CSMD1: variants seen among roughly 807,000 people sequenced by gnomAD.
CSMD1 encodes the protein CUB and sushi domain-containing protein 1.
Under a neutral mutation model 417.5 loss-of-function variants are expected in CSMD1, and 213 were observed. That is an observed-to-expected ratio of 0.51 (90% CI 0.46 to 0.57). CSMD1 has a LOEUF of 0.57. CSMD1 is among the 20% of genes least tolerant of loss of function. The pLI is 0.00. For missense variants in CSMD1, 6,923 were observed against 4,529.7 expected, an observed-to-expected ratio of 1.53 and a Z score of -15.17; for synonymous variants, 2,862 against 1,736.8, an observed-to-expected ratio of 1.65 and a Z score of -16.11.
rs575345046 is a variant in CSMD1, at chr8:3,664,568, C to A, written c.1009+43846G>T. On this transcript the variant is annotated intron_variant, in intron 7 of 69. Transcript: ENST00000635120. The stretch of plus-strand genomic sequence containing the variant: ...TGAGTGTTTCCTCATGAGAGAAAAG[C>A]AAAGAGACTGAGGAGTTTTCCTCTG... Among the ~76,000 whole-genome samples the A allele has an allele frequency of 3.3e-5, 5 of 152,300 alleles. No homozygotes were observed. The East Asian group carries it at 9.6e-4, about 29-fold the overall frequency.
At chr8:4,642,215 T>C (rs1364951274) in intron 1 of CSMD1, among the ~76,000 whole-genome samples, 12 of 152,310 alleles carry the variant, frequency 7.9e-5, no homozygotes, top group Admixed American at 7.8e-4. Context: ...TGGTTGGTTA[T>C]ACAGCAGTGC....
At chr8:3,006,837 C>T (rs1339520386) in intron 52 of CSMD1, among the ~76,000 whole-genome samples, 4 of 146,620 alleles carry the variant, frequency 2.7e-5, no homozygotes, top group Admixed American at 6.6e-5. Flanking sequence ...AAAACCTAGG[C>T]ATTACCATTC....
chr8:3,066,385 C>A (rs1812938126), intron 49 of CSMD1, among the ~76,000 whole-genome samples: 1 of 152,220 alleles, frequency 6.6e-6, no homozygotes, highest in African/African-American at 2.4e-5. Flanking sequence ...TACAGAGAAT[C>A]AGTGACAGAA....
At chr8:3,622,468 T>G (rs974041032) in intron 7 of CSMD1, among the ~76,000 whole-genome samples, 2 of 152,194 alleles carry the variant, frequency 1.3e-5, no homozygotes, top group Admixed American at 6.5e-5. Flanking sequence ...TCACAAGGAA[T>G]AGCAGTTAAA....
chr8:4,406,449 C>T (rs554725123), intron 3 of CSMD1, among the ~76,000 whole-genome samples: 3 of 152,304 alleles, frequency 2.0e-5, no homozygotes, highest in South Asian at 2.1e-4. Flanking sequence ...TTTCAAATTT[C>T]TGATAAATCT....
intron 1 of CSMD1, among the ~76,000 whole-genome samples, chr8:4,812,256 T>G (rs187140559): frequency 1.5e-4 from 23 of 152,322 alleles, no homozygotes; most frequent in Non-Finnish European, 2.9e-4. Context: ...ATTTCACAGA[T>G]GAATAGTTCT....
At chr8:3,453,648 G>A (rs971628653) in intron 12 of CSMD1, among the ~76,000 whole-genome samples, 2 of 152,114 alleles carry the variant, frequency 1.3e-5, no homozygotes, top group African/African-American at 4.8e-5. Context: ...ATCCTGAATT[G>A]TAGTTTTATT....
intron 5 of CSMD1, among the ~76,000 whole-genome samples, chr8:3,962,918 A>C (rs532456063): frequency 1.3e-5 from 2 of 152,282 alleles, no homozygotes; most frequent in South Asian, 4.1e-4. Flanking sequence ...TTTTTTCCAC[A>C]AAACTTTTCA....
intron 1 of CSMD1, among the ~76,000 whole-genome samples, chr8:4,895,048 C>G (rs1351560760): frequency 6.6e-6 from 1 of 152,168 alleles, no homozygotes; most frequent in African/African-American, 2.4e-5. Context: ...ATAAGAATAT[C>G]TGTTTTGTTT....
chr8:4,733,159 A>G (rs1288716784), intron 1 of CSMD1, among the ~76,000 whole-genome samples: 1 of 152,216 alleles, frequency 6.6e-6, no homozygotes, highest in Non-Finnish European at 1.5e-5. Context: ...TATTCAGTCA[A>G]TGTCTACCAA....
At chr8:3,215,747 C>T (rs1797844963) in intron 29 of CSMD1, among the ~76,000 whole-genome samples, 1 of 151,984 alleles carries the variant, frequency 6.6e-6, no homozygotes, top group South Asian at 2.1e-4. Context: ...AGTGTATAAC[C>T]CTGCAGTCTA....
intron 10 of CSMD1, among the ~76,000 whole-genome samples, chr8:3,566,808 G>A (rs189820636): frequency 6.6e-6 from 1 of 152,176 alleles, no homozygotes; most frequent in African/African-American, 2.4e-5. Flanking sequence ...GGAGAAAAAG[G>A]AACACTTATA....
intron 3 of CSMD1, among the ~76,000 whole-genome samples, chr8:4,137,462 TAAAAGGTAATTTTCACTACAGAATATA>T (rs1374075757): frequency 9.3e-6 from 1 of 107,390 alleles, no homozygotes; most frequent in African/African-American, 2.7e-5. Flanking sequence ...GAGAGTATTT[TAAAAGGTAATTTTCACTACAGAATATA>T]ACATTGTTTT....
intron 3 of CSMD1, among the ~76,000 whole-genome samples, chr8:4,330,147 A>G (rs1416658816): frequency 6.6e-6 from 1 of 151,818 alleles, no homozygotes; most frequent in Non-Finnish European, 1.5e-5. Flanking sequence ...AATGAGTAGT[A>G]TCCCAACAAA....
chr8:4,215,866 T>C (rs1442201176), intron 3 of CSMD1, among the ~76,000 whole-genome samples: 1 of 152,188 alleles, frequency 6.6e-6, no homozygotes. Context: ...ATTAATTCTA[T>C]GATGTTAAGA....
intron 3 of CSMD1, among the ~76,000 whole-genome samples, chr8:4,064,916 T>A (rs543320949): frequency 1.4e-5 from 2 of 140,080 alleles, no homozygotes; most frequent in African/African-American, 5.2e-5. Context: ...CCATTGAGAA[T>A]AGGACCTAGG....
At position 3,927,905 on chromosome 8, in the gene CSMD1, A is replaced by C. The variant is rs1809859076; in HGVS notation, c.818+69998T>G. Among the ~76,000 whole-genome samples the C allele has an allele frequency of 2.0e-5, 3 of 152,190 alleles. No homozygotes were observed. In the South Asian group the frequency reaches 6.2e-4, roughly 31 times the overall value. On this transcript the variant is annotated intron_variant, in intron 5 of 69. Transcript: ENST00000635120. Reference sequence around the variant, plus strand: ...TATGAGAGTCGAAGGTTACCTAAAAAATCATTTTACATCAAATTCTTTGTT... The same window carrying C: ...TATGAGAGTCGAAGGTTACCTAAAACATCATTTTACATCAAATTCTTTGTT...
intron 7 of CSMD1, among the ~76,000 whole-genome samples, chr8:3,676,169 C>G (rs777436995): frequency 6.6e-6 from 1 of 152,142 alleles, no homozygotes; most frequent in Non-Finnish European, 1.5e-5. Flanking sequence ...TTCTTCTGCT[C>G]AATTTTATAG....
At chr8:4,315,997 T>C (rs1355711992) in intron 3 of CSMD1, among the ~76,000 whole-genome samples, 1 of 152,198 alleles carries the variant, frequency 6.6e-6, no homozygotes, top group African/African-American at 2.4e-5. Flanking sequence ...TATTCTTTTT[T>C]CTTTCCTTTA....
Sources: gnomAD v4.1 joint callset for allele counts (sites outside exome capture counted in the v4.1 genomes callset) on GRCh38, gnomAD v4.1.1 for gene constraint, MANE v1.5 for transcripts, NCBI Gene and HGNC (gene_info 2026-07-23, HGNC 2026-07-21) for gene names.